ZC3H12B: variants seen among roughly 807,000 people sequenced by gnomAD.
ZC3H12B encodes the protein zinc finger CCCH-type containing 12B.
ZC3H12B carries 7 observed loss-of-function variants against 43.9 expected under a neutral mutation model. That is an observed-to-expected ratio of 0.16 (90% CI 0.09 to 0.30). The LOEUF is 0.30. Among genes scored for constraint, ZC3H12B ranks in the 10% least tolerant of loss-of-function variants. The pLI is 1.00. For missense variants in ZC3H12B, 475 were observed against 670.2 expected, an observed-to-expected ratio of 0.71 and a Z score of 3.22; for synonymous variants, 222 against 241.7, an observed-to-expected ratio of 0.92 and a Z score of 0.76.
At chrX:65,267,640 G>A in the ZC3H12B span, among the ~76,000 whole-genome samples, 14 of 111,314 alleles carry the variant, frequency 1.3e-4, no homozygotes, top group Admixed American at 5.8e-4. Flanking sequence ...CCAGAACAAT[G>A]TCTCACTAAA....
the ZC3H12B span, among the ~76,000 whole-genome samples, chrX:65,277,280 C>T: frequency 9.0e-6 from 1 of 111,455 alleles, no homozygotes; most frequent in Non-Finnish European, 1.9e-5. Flanking sequence ...GGGAGTTCAA[C>T]ACCCTAATGT....
At chrX:65,294,440 C>T in the ZC3H12B span, among the ~76,000 whole-genome samples, 13 of 111,138 alleles carry the variant, frequency 1.2e-4, no homozygotes, top group East Asian at 3.7e-3. Flanking sequence ...AAAACAATAA[C>T]ATAATGACAA....
upstream of ZC3H12B, among the ~76,000 whole-genome samples, chrX:65,487,946 A>G (rs1031982298): frequency 9.0e-6 from 1 of 111,618 alleles, no homozygotes; most frequent in African/African-American, 3.3e-5. Flanking sequence ...ATCTTGGCTC[A>G]CTGCAAGCTC....
At chrX:65,059,720 T>G in the ZC3H12B span, among the ~76,000 whole-genome samples, 1 of 112,003 alleles carries the variant, frequency 8.9e-6, no homozygotes, top group Non-Finnish European at 1.9e-5. Flanking sequence ...TCTTTTTCAT[T>G]CCATATAAAC....
chrX:65,201,374 T>G, the ZC3H12B span, among the ~76,000 whole-genome samples: 1 of 111,990 alleles, frequency 8.9e-6, no homozygotes, highest in Non-Finnish European at 1.9e-5. Flanking sequence ...TGTTTGTTTT[T>G]CCGTGTGGTC....
the ZC3H12B span, among the ~76,000 whole-genome samples, chrX:65,126,152 C>A: frequency 9.1e-6 from 1 of 109,443 alleles, no homozygotes; most frequent in Non-Finnish European, 1.9e-5. Flanking sequence ...TCTAGAGCTC[C>A]TTTTAGCAGT....
At chrX:65,205,935 T>G in the ZC3H12B span, among the ~76,000 whole-genome samples, 2 of 111,379 alleles carry the variant, frequency 1.8e-5, no homozygotes, top group African/African-American at 6.5e-5. Flanking sequence ...GCAAAAAAAG[T>G]AAAATACTTA....
intron 3 of ZC3H12B, among the ~76,000 whole-genome samples, chrX:65,466,286 A>G (rs1456372064): frequency 1.8e-5 from 2 of 110,822 alleles, no homozygotes; most frequent in Non-Finnish European, 3.8e-5. Context: ...TATTTAACTT[A>G]GAATAATGCC....
At chrX:65,454,570 A>T (rs1265918900) in intron 3 of ZC3H12B, among the ~76,000 whole-genome samples, 1 of 112,212 alleles carries the variant, frequency 8.9e-6, no homozygotes, top group African/African-American at 3.2e-5. Context: ...ATAGCCAAAT[A>T]AAAGGCAGCA....
chrX:65,328,407 T>G, the ZC3H12B span: 3 of 252,967 alleles, frequency 1.2e-5, no homozygotes, highest in Admixed American at 4.6e-5. Context: ...GGAAGAAAGA[T>G]AAAAGAGCTG....
rs775882724 is a variant in ZC3H12B, at chrX:65,417,739, G to C, written n.407+19035G>C. On this transcript the variant is annotated intron_variant and non_coding_transcript_variant, in intron 3 of 5. Coordinates refer to the ZC3H12B transcript ENST00000617377. ...CAGTAATCCCAGCCTTTTTGCGTGG[G>C]CAAAGCCCTTTGTTCCCTCTGAATG... Among the ~76,000 whole-genome samples, 3 of 112,850 alleles carry C rather than the reference G, an allele frequency of 2.7e-5. No individual in the cohort carries two copies. The Admixed American group carries it at 2.8e-4, about 10-fold the overall frequency.
chrX:65,360,128 A>C, the ZC3H12B span, among the ~76,000 whole-genome samples: 1 of 112,401 alleles, frequency 8.9e-6, no homozygotes, highest in Non-Finnish European at 1.9e-5. Context: ...ACATAATGCT[A>C]TTGCACACTT....
Position 65,479,311 on chromosome X carries a change from G to A in ZC3H12B, n.408-9335G>A, listed in dbSNP as rs150282379. On this transcript the variant is annotated intron_variant and non_coding_transcript_variant, in intron 3 of 5. Coordinates refer to the ZC3H12B transcript ENST00000617377. The stretch of plus-strand genomic sequence containing the variant: ...TGCCACAAATTTTCCTGTTCTTACC[G>A]AGGTTCAGCCAGGCCTTTGAATTTT... Among the ~76,000 whole-genome samples the A allele has an allele frequency of 8.2e-3, 916 of 111,231 alleles. 16 individuals carry two copies. The highest frequency in any genetic ancestry group is 0.029 in the African/African-American group (872 of 30,591).
the ZC3H12B span, among the ~76,000 whole-genome samples, chrX:65,303,088 G>C: frequency 8.9e-6 from 1 of 111,771 alleles, no homozygotes; most frequent in East Asian, 2.8e-4. Context: ...AAGTTAATTT[G>C]AGTATTGTGA....
At chrX:65,455,032 CAG>C (rs1453795789) in intron 3 of ZC3H12B, among the ~76,000 whole-genome samples, 3 of 112,134 alleles carry the variant, frequency 2.7e-5, no homozygotes, top group African/African-American at 9.7e-5. Flanking sequence ...GGGGAAAAAA[CAG>C]AGCAGAAAAA....
At chrX:65,482,297 G>A (rs1439925275) in intron 3 of ZC3H12B, among the ~76,000 whole-genome samples, 1 of 110,558 alleles carries the variant, frequency 9.0e-6, no homozygotes, top group Non-Finnish European at 1.9e-5. Flanking sequence ...GAAAAAGAGA[G>A]GGAGGAGAGA....
At chrX:65,088,620 A>G in the ZC3H12B span, among the ~76,000 whole-genome samples, 1 of 112,303 alleles carries the variant, frequency 8.9e-6, no homozygotes, top group African/African-American at 3.2e-5. Context: ...AAGCAGATTC[A>G]GAATGATGTA....
At chrX:65,162,118 G>A in the ZC3H12B span, among the ~76,000 whole-genome samples, 1 of 111,659 alleles carries the variant, frequency 9.0e-6, no homozygotes, top group African/African-American at 3.3e-5. Flanking sequence ...GGCTTGTAGA[G>A]TTTCTGCCAC....
At chrX:65,058,625 C>T in the ZC3H12B span, among the ~76,000 whole-genome samples, 3 of 112,242 alleles carry the variant, frequency 2.7e-5, no homozygotes, top group Non-Finnish European at 5.6e-5. Context: ...ACATTTAAGT[C>T]TGCAGAGGTT....
Sources: allele counts gnomAD v4.1 joint callset (sites outside exome capture counted in the v4.1 genomes callset), GRCh38; gene constraint gnomAD v4.1.1; transcripts MANE v1.5; gene names NCBI Gene and HGNC (gene_info 2026-07-23, HGNC 2026-07-21).